The following IARS1 variants were observed in gnomAD, a reference collection of about 807,000 sequenced individuals.
IARS1 encodes the protein isoleucine--tRNA ligase, cytoplasmic.
In IARS1, 124 loss-of-function variants were observed where a neutral mutation model predicts 168.2. The observed-to-expected ratio is 0.74, with a 90% CI of 0.64 to 0.86. The LOEUF is 0.86. Among genes scored for constraint, IARS1 ranks in the 40% least tolerant of loss-of-function variants. IARS1 has a pLI of 0.00. For synonymous variants in IARS1, 532 were observed against 529.4 expected, an observed-to-expected ratio of 1.00 and a Z score of -0.07; for missense variants, 1,452 against 1,515.8, an observed-to-expected ratio of 0.96 and a Z score of 0.70.
chr9:92,212,262 T>C (rs903188866), intron 33 of IARS1, among the ~76,000 whole-genome samples: 3 of 152,186 alleles, frequency 2.0e-5, no homozygotes, highest in African/African-American at 7.2e-5. Flanking sequence ...ATTGATACTT[T>C]ATGAAAGACA....
chr9:92,289,194 G>T (rs1835923339), intron 2 of IARS1, 107 bp downstream of exon 2: 3 of 534,148 alleles, frequency 5.6e-6, no homozygotes, highest in Non-Finnish European at 9.8e-6. Flanking sequence ...ATGACAGTGC[G>T]AGACTCCATC....
intron 30 of IARS1, among the ~76,000 whole-genome samples, chr9:92,230,657 A>T (rs2133488657): frequency 6.6e-6 from 1 of 152,358 alleles, no homozygotes; most frequent in Non-Finnish European, 1.5e-5. Context: ...GCGAGTCATT[A>T]TAGAAAGCAC....
intron 30 of IARS1, among the ~76,000 whole-genome samples, chr9:92,235,128 T>G (rs757975334): frequency 1.8e-4 from 28 of 152,174 alleles, no homozygotes; most frequent in Admixed American, 5.2e-4. Flanking sequence ...CCACCAAGCC[T>G]GGCTTATTTT....
At chr9:92,220,721 T>C (rs1395320357) in intron 33 of IARS1, among the ~76,000 whole-genome samples, 2 of 152,180 alleles carry the variant, frequency 1.3e-5, no homozygotes, top group Non-Finnish European at 2.9e-5. Flanking sequence ...ATCCCAATGC[T>C]TTGGGAGGCC....
intron 25 of IARS1, among the ~76,000 whole-genome samples, 172 bp downstream of exon 25, chr9:92,249,686 T>A (rs1225126598): frequency 2.0e-5 from 3 of 152,200 alleles, no homozygotes; most frequent in Non-Finnish European, 4.4e-5. Flanking sequence ...TTTAAAAGAA[T>A]TACAACAAAT....
At chr9:92,281,439 T>C (rs1166362596) in intron 6 of IARS1, among the ~76,000 whole-genome samples, 1 of 152,072 alleles carries the variant, frequency 6.6e-6, no homozygotes, top group Non-Finnish European at 1.5e-5. Flanking sequence ...TGGCCTCTGG[T>C]AACTTTTTAA....
At chr9:92,256,821 A>C (rs1298623989) in intron 19 of IARS1, 21 bp from the exon 20 acceptor site, 3 of 1,599,802 alleles carry the variant, frequency 1.9e-6, no homozygotes, top group Non-Finnish European at 2.6e-6. Flanking sequence ...ACAATTAATG[A>C]AACACTGGCA....
At chr9:92,287,158 T>C (rs1237349147) in intron 4 of IARS1, among the ~76,000 whole-genome samples, 1 of 152,182 alleles carries the variant, frequency 6.6e-6, no homozygotes, top group Admixed American at 6.5e-5. Context: ...TCACCAAAAA[T>C]GCATAACCTA....
chr9:92,217,696 C>T (rs1232171853), intron 33 of IARS1, among the ~76,000 whole-genome samples: 1 of 152,122 alleles, frequency 6.6e-6, no homozygotes, highest in Non-Finnish European at 1.5e-5. Context: ...AATTCCTCGA[C>T]ACATACATTC....
chr9:92,231,018 T>G (rs1408032350), intron 30 of IARS1, among the ~76,000 whole-genome samples: 5 of 152,236 alleles, frequency 3.3e-5, no homozygotes, highest in African/African-American at 1.2e-4. Flanking sequence ...TTATAAAGAT[T>G]TTCTCCCAGT....
chr9:92,246,231 A>T (rs934207026), intron 26 of IARS1, among the ~76,000 whole-genome samples: 1 of 152,230 alleles, frequency 6.6e-6, no homozygotes, highest in Non-Finnish European at 1.5e-5. Context: ...TATTAATTCT[A>T]TCTAAATATT....
intron 30 of IARS1, 99 bp from the exon 31 acceptor site, chr9:92,229,225 A>G (rs1826247058): frequency 7.9e-7 from 1 of 1,259,286 alleles, no homozygotes; most frequent in Admixed American, 2.4e-5. Flanking sequence ...TCAAGCCCTA[A>G]TATTTTTCCT....
intron 21 of IARS1, chr9:92,252,432 A>C (rs1830136022): frequency 2.0e-6 from 1 of 510,314 alleles, no homozygotes; most frequent in Admixed American, 2.0e-5. Context: ...CACAAAAATG[A>C]AATTACAGTT....
At chr9:92,254,574 C>T (rs1419892173) in intron 20 of IARS1, among the ~76,000 whole-genome samples, 1 of 152,178 alleles carries the variant, frequency 6.6e-6, no homozygotes, top group African/African-American at 2.4e-5. Flanking sequence ...CTTTCTTAGA[C>T]ATGTGATTTC....
intron 20 of IARS1, among the ~76,000 whole-genome samples, chr9:92,255,534 CTGT>C (rs1183094026): frequency 2.6e-5 from 4 of 152,216 alleles, no homozygotes; most frequent in Admixed American, 6.5e-5. Context: ...AACGAACTCA[CTGT>C]TGTTAGTTAA....
At chr9:92,267,896 A>C (rs906406197) in intron 14 of IARS1, among the ~76,000 whole-genome samples, 7 of 152,296 alleles carry the variant, frequency 4.6e-5, no homozygotes, top group South Asian at 2.1e-4. Flanking sequence ...GAAACACACA[A>C]AAAAAACATT....
At chr9:92,217,862 C>A (rs1838994448) in intron 33 of IARS1, among the ~76,000 whole-genome samples, 1 of 152,002 alleles carries the variant, frequency 6.6e-6, no homozygotes, top group South Asian at 2.1e-4. Context: ...GGAACTGGTA[C>A]CATTCCTTCT....
intron 10 of IARS1, among the ~76,000 whole-genome samples, chr9:92,272,283 C>T (rs916568042): frequency 3.9e-5 from 6 of 152,234 alleles, no homozygotes; most frequent in Non-Finnish European, 7.3e-5. Context: ...AGCTGACATG[C>T]TTCCACCTGG....
At chr9:92,225,531 A>G (rs1402542975) in intron 31 of IARS1, among the ~76,000 whole-genome samples, 1 of 151,986 alleles carries the variant, frequency 6.6e-6, no homozygotes, top group African/African-American at 2.4e-5. Flanking sequence ...TGGGTAATGA[A>G]GTTAGCATCT....
Sources: allele counts gnomAD v4.1 joint callset (sites outside exome capture counted in the v4.1 genomes callset), GRCh38; gene constraint gnomAD v4.1.1; transcripts MANE v1.5; gene names NCBI Gene and HGNC (gene_info 2026-07-23, HGNC 2026-07-21).